The following ZNF275 variants were observed in gnomAD, a reference collection of about 807,000 sequenced individuals.
ZNF275 encodes zinc finger protein 275.
Under a neutral mutation model 4.3 loss-of-function variants are expected in ZNF275, and 4 were observed. That is an observed-to-expected ratio of 0.93 (90% CI 0.46 to 2.13). The LOEUF is 2.13. Ranked by LOEUF, ZNF275 falls within the 30% of genes most tolerant of loss-of-function variation. The pLI, the probability that ZNF275 is intolerant of heterozygous loss-of-function variation, is 0.02. For missense variants in ZNF275, 352 were observed against 397.1 expected (o/e 0.89, Z 0.97); for synonymous variants, 173 against 166.9 (o/e 1.04, Z -0.28).
At chrX:153,340,139 G>A (rs1404876273) in intron 2 of ZNF275, among the ~76,000 whole-genome samples, 2 of 112,330 alleles carry the variant, frequency 1.8e-5, no homozygotes, top group Non-Finnish European at 3.8e-5. Flanking sequence ...GGCCCTGCCC[G>A]GGTGACAGTG....
chrX:153,336,580 T>A (rs898085648), intron 1 of ZNF275, 54 bp from the exon 2 acceptor site: 41 of 879,250 alleles, frequency 4.7e-5, no homozygotes, highest in Non-Finnish European at 6.2e-5. Context: ...GACATGTTCC[T>A]GGGAGGTGCA....
In ZNF275 at chrX:153,336,662, T is replaced by C; in HGVS notation, c.-18T>C. The C allele has an allele frequency of 8.6e-7, 1 of 1,167,223 alleles. No individual in the cohort carries two copies. Among genetic ancestry groups the C allele is most frequent in the East Asian group, 3.3e-5 (1 of 30,763 alleles). On this transcript the variant is annotated 5_prime_UTR_variant, in exon 2 of 4. Transcript: ENST00000650114. The stretch of plus-strand genomic sequence containing the variant: ...GGGCCTTACCTGCCAGGCTGATCCC[T>C]TGGAGTAGTTCTGAGGCATGATGAG...
Position 153,345,638 on chromosome X carries a change from T to A in ZNF275, c.133+17T>A, listed in dbSNP as rs781841112. 1.7e-6 allele frequency: 2 copies of A among 1,176,348 alleles called. No homozygotes were observed. Among genetic ancestry groups the A allele is most frequent in the South Asian group, 3.6e-5 (2 of 56,019 alleles). On this transcript the variant is annotated intron_variant, in intron 3 of 3. Coordinates refer to ENST00000650114, the MANE Select transcript of ZNF275 (RefSeq NM_001367757.1). ...AGTACTCTGGTGAGTGAAAAAGAAA[T>A]GTGAGGAAATTGGGGGAGACCCAAC... is the stretch of plus-strand genomic sequence containing the variant.
rs2088556085 is a variant in ZNF275 at position 153,351,508 on chromosome X, T to C, written c.*3533T>C. ...AGTTCATACACATGACAATTGGGTT[T>C]CCACGCACGTGCATGAGATGTTCCT... On this transcript the variant is annotated 3_prime_UTR_variant, in exon 4 of 4. Coordinates refer to ENST00000650114, the MANE Select transcript of ZNF275 (RefSeq NM_001367757.1). 8.8e-6 allele frequency: 1 copy of C among 113,283 alleles called. No individual in the cohort carries two copies. The highest frequency in any genetic ancestry group is 1.9e-5 in the Non-Finnish European group (1 of 53,043). 9.3% of individuals were successfully genotyped at this position (113,283 alleles called of 1,213,427 possible). A position where few individuals can be genotyped will look rare whatever the true frequency, so the allele number is the denominator to read the frequency against.
intron 3 of ZNF275, 107 bp from the exon 4 acceptor site, chrX:153,346,712 C>G: frequency 1.1e-6 from 1 of 884,789 alleles, no homozygotes; most frequent in South Asian, 2.7e-5. Context: ...CGGGCCCAGG[C>G]CCCGTGCTCA....
At chrX:153,336,348 G>A (rs782527118) in intron 1 of ZNF275, among the ~76,000 whole-genome samples, 4 of 112,997 alleles carry the variant, frequency 3.5e-5, no homozygotes, top group South Asian at 7.3e-4. Flanking sequence ...GTAGCAGCCT[G>A]TTTGCTGCTT....
rs782113371 is a variant in ZNF275 at position 153,347,768 on chromosome X, C to G, written c.1083C>G (p.Pro361=). The change falls in exon 4 of 4, where the codon CCC becomes CCG. Residue 361 remains proline, a synonymous_variant. Coordinates refer to ENST00000650114, the MANE Select transcript of ZNF275 (RefSeq NM_001367757.1). ...CGECGKAFRG[P]SDLIKHRRIH... ...AGTGTGGCAAGGCCTTCCGTGGGCC[C>G]TCTGACCTCATCAAGCACCGGCGCA... The G allele has an allele frequency of 1.7e-6, 2 of 1,208,246 alleles. No homozygotes were observed. The highest frequency in any genetic ancestry group is 5.9e-5 in the East Asian group (2 of 33,690).
chrX:153,346,910 C>A lies in ZNF275; in HGVS notation c.225C>A (p.Pro75=), dbSNP rs373343813. ...ASTSFPRASG[P]SPEFRQHGDS... ...CAAGCTTCCCAAGGGCCAGTGGTCC[C>A]AGTCCTGAATTCAGACAGCACGGGG... Residue 75 remains proline, a synonymous_variant, in exon 4 of 4, where the codon CCC becomes CCA. Coordinates refer to ENST00000650114, the MANE Select transcript of ZNF275 (RefSeq NM_001367757.1). 4.2e-5 allele frequency: 51 copies of A among 1,209,732 alleles called. No homozygotes were observed. In the African/African-American group the frequency reaches 8.0e-4, roughly 19 times the overall value.
In ZNF275 at chrX:153,350,733, A is replaced by T. The variant is rs1265182944; in HGVS notation, c.*2758A>T. On this transcript the variant is annotated 3_prime_UTR_variant, in exon 4 of 4. Transcript: ENST00000650114. ...GAGAGGAGCCAAAAGCACTTGTTAC[A>T]TAGTGATTCCTTTTGCCCTGTGGGC... 8.0e-6 allele frequency: 1 copy of T among 124,452 alleles called. No individual in the cohort carries two copies. Among genetic ancestry groups the T allele is most frequent in the Non-Finnish European group, 1.9e-5 (1 of 53,411 alleles). 10.3% of individuals were successfully genotyped at this position (124,452 alleles called of 1,213,427 possible).
At chrX:153,337,466 A>C (rs922342228) in intron 2 of ZNF275, among the ~76,000 whole-genome samples, 4 of 112,052 alleles carry the variant, frequency 3.6e-5, no homozygotes, top group African/African-American at 1.3e-4. Context: ...GTTCTTCCAC[A>C]TCAAAGTGGA....
chrX:153,350,024 T>C lies in ZNF275; in HGVS notation c.*2049T>C, dbSNP rs1556962150. 1 of 124,094 alleles carries C rather than the reference T, an allele frequency of 8.1e-6. No individual in the cohort carries two copies. The highest frequency in any genetic ancestry group is 1.9e-5 in the Non-Finnish European group (1 of 53,402). 10.2% of individuals were successfully genotyped at this position (124,094 alleles called of 1,213,427 possible). On this transcript the variant is annotated 3_prime_UTR_variant, in exon 4 of 4. Transcript: ENST00000650114. ...TTTGAGCTCCTGGGAGCCTTGGCAA[T>C]GCTCCGAGTGGATTCAGTGACTGAG... is the stretch of plus-strand genomic sequence containing the variant.
chrX:153,343,017 C>G (rs1556961144), intron 2 of ZNF275, among the ~76,000 whole-genome samples: 2 of 112,682 alleles, frequency 1.8e-5, no homozygotes, highest in Non-Finnish European at 3.8e-5. Flanking sequence ...TGCCTCCAGG[C>G]AGAGAGCTGG....
In ZNF275 at chrX:153,347,049, G is replaced by A. The variant is rs1183827780; in HGVS notation, c.364G>A (p.Val122Ile). 2 of 1,209,547 alleles carry A rather than the reference G, an allele frequency of 1.7e-6. No homozygotes were observed. The highest frequency in any genetic ancestry group is 2.2e-6 in the Non-Finnish European group (2 of 895,128). Residue 122 changes from valine (V) to isoleucine (I), a missense_variant, in exon 4 of 4, where the codon GTC becomes ATC. Physicochemically the swap from Val to Ile is conservative, Grantham distance 29 (BLOSUM62 3). Transcript: ENST00000650114. ...LKVLLVQHQRVHSEEKGWECG... is the reference protein window; with the variant it reads ...LKVLLVQHQRIHSEEKGWECG... ...AGTCCTGCTTGTCCAGCACCAGAGA[G>A]TCCACAGTGAGGAGAAGGGCTGGGA... is the stretch of plus-strand genomic sequence containing the variant.
intron 2 of ZNF275, among the ~76,000 whole-genome samples, chrX:153,337,111 GCTCC>G (rs1444034896): frequency 9.0e-6 from 1 of 111,433 alleles, no homozygotes. Flanking sequence ...AGGACATTCT[GCTCC>G]AGGTCTTTAT....
chrX:153,347,642 G>A lies in ZNF275; in HGVS notation c.957G>A (p.Lys319=), dbSNP rs2088528119. ...ACCGGCGGATCCACACGGGCGAGAA[G>A]CCCTACGCCTGCGGCCAGTGCGGCA... ...TKHRRIHTGE[K]PYACGQCGKA... The change falls in exon 4 of 4, where the codon AAG becomes AAA. Residue 319 remains lysine (K), a synonymous_variant. Coordinates refer to ENST00000650114, the MANE Select transcript of ZNF275 (RefSeq NM_001367757.1). 4 of 1,203,158 alleles carry A rather than the reference G, an allele frequency of 3.3e-6. No homozygotes were observed. Among genetic ancestry groups the A allele is most frequent in the African/African-American group, 3.5e-5 (2 of 57,196 alleles).
intron 2 of ZNF275, among the ~76,000 whole-genome samples, chrX:153,340,026 T>A (rs1379704654): frequency 8.9e-6 from 1 of 112,500 alleles, no homozygotes; most frequent in African/African-American, 3.2e-5. Context: ...TGAATTTTTT[T>A]AAATGAATTG....
At chrX:153,346,683 C>A in intron 3 of ZNF275, 136 bp from the exon 4 acceptor site, 1 of 632,357 alleles carries the variant, frequency 1.6e-6, no homozygotes, top group Non-Finnish European at 2.3e-6. Context: ...CTTCTGCAGT[C>A]CTTGCTTCTG....
chrX:153,337,120 C>G (rs1377560572), intron 2 of ZNF275, among the ~76,000 whole-genome samples: 2 of 111,456 alleles, frequency 1.8e-5, no homozygotes, highest in African/African-American at 6.5e-5. Flanking sequence ...TGCTCCAGGT[C>G]TTTATTTAGA....
chrX:153,341,199 ACTTAC>A (rs1486225638), intron 2 of ZNF275, among the ~76,000 whole-genome samples: 1 of 112,095 alleles, frequency 8.9e-6, no homozygotes, highest in African/African-American at 3.2e-5. Flanking sequence ...GTCCATTTAC[ACTTAC>A]CTTAACTATC....
Sources: allele counts gnomAD v4.1 joint callset (sites outside exome capture counted in the v4.1 genomes callset), GRCh38; gene constraint gnomAD v4.1.1; transcripts MANE v1.5; gene names NCBI Gene and HGNC (gene_info 2026-07-23, HGNC 2026-07-21).